The following MYSM1 variants were observed in gnomAD, a reference collection of about 807,000 sequenced individuals.
MYSM1 encodes the protein deubiquitinase MYSM1.
MYSM1 carries 51 observed loss-of-function variants against 116.0 expected under a neutral mutation model. The ratio of observed to expected loss-of-function variants is 0.44; its 90% CI spans 0.35 to 0.56. The LOEUF is 0.56. MYSM1 is among the 20% of genes least tolerant of loss of function. The pLI is 0.00. For synonymous variants in MYSM1, 313 were observed against 315.2 expected, an observed-to-expected ratio of 0.99 and a Z score of 0.07; for missense variants, 900 against 974.9, an observed-to-expected ratio of 0.92 and a Z score of 1.02.
In MYSM1 at chr1:58,695,169, T is replaced by A; in HGVS notation, c.107A>T (p.His36Leu). Residue 36 changes from histidine to leucine, a missense_variant, in exon 2 of 20, where the codon CAC becomes CTC. Transcript: ENST00000472487. ...ENTASVLQKDHYLDSSWRTEN... is the reference protein window; with the variant it reads ...ENTASVLQKDLYLDSSWRTEN... ...TGTTCTCCAAGATGAATCAAGATAG[T>A]GATCTTTTTGTAAAACTGATGCTGT... 1 of 1,605,720 alleles carries A rather than the reference T, an allele frequency of 6.2e-7. No homozygotes were observed. The highest frequency in any genetic ancestry group is 1.1e-5 in the South Asian group (1 of 90,886).
rs770452741 is a variant in MYSM1, at chr1:58,682,258, G to A, written c.786C>T (p.Phe262=). Residue 262 remains phenylalanine (F), a synonymous_variant, in exon 8 of 20, where the codon TTC becomes TTT. Transcript: ENST00000472487. ...GAGCTTCCTGGCTGTCAGAAGTAAT[G>A]AATTCTCCTTGATTGGTTTCATGCA... ...SKMHETNQGE[F]ITSDSQEALF... is the part of the protein sequence containing the mutation. 2 of 1,611,766 alleles carry A rather than the reference G, an allele frequency of 1.2e-6. No individual in the cohort carries two copies. Among genetic ancestry groups the A allele is most frequent in the Non-Finnish European group, 1.7e-6 (2 of 1,178,256 alleles).
chr1:58,686,587 CAATTTCTTAAACTCA>C (rs1644830776), intron 6 of MYSM1, among the ~76,000 whole-genome samples: 1 of 152,156 alleles, frequency 6.6e-6, no homozygotes, highest in Admixed American at 6.5e-5. Context: ...GACATATGGA[CAATTTCTTAAACTCA>C]AAGTGCTTCT....
intron 10 of MYSM1, among the ~76,000 whole-genome samples, chr1:58,675,074 AG>A (rs1644629510): frequency 1.3e-5 from 2 of 151,960 alleles, no homozygotes; most frequent in African/African-American, 4.8e-5. Context: ...ACTGACTCCA[AG>A]AATAAAAAAA....
intron 6 of MYSM1, among the ~76,000 whole-genome samples, chr1:58,687,594 A>T (rs2100664966): frequency 6.6e-6 from 1 of 152,326 alleles, no homozygotes. Context: ...ACAGGGGTTC[A>T]GGCCATGAGA....
intron 12 of MYSM1, among the ~76,000 whole-genome samples, 194 bp from the exon 13 acceptor site, chr1:58,669,232 C>G (rs1168738867): frequency 6.6e-6 from 1 of 151,536 alleles, no homozygotes; most frequent in African/African-American, 2.4e-5. Flanking sequence ...AAAAAAAACC[C>G]AGGAACTTTG....
At position 58,677,049 on chromosome 1, in the gene MYSM1, A is replaced by T. The variant is rs756125704; in HGVS notation, c.1267T>A (p.Cys423Ser). 1.9e-6 allele frequency: 3 copies of T among 1,601,920 alleles called. No individual in the cohort carries two copies. The highest frequency in any genetic ancestry group is 2.6e-6 in the Non-Finnish European group (3 of 1,174,670). ...RNYILDQWEI[C>S]KPKYLNKTSV... ...GTCTTATTTAAGTATTTTGGTTTGC[A>T]TATCTCCCTAATTAAGAGACAGAAG... The change falls in exon 9 of 20, where the codon TGC becomes AGC. Residue 423 changes from cysteine (C) to serine (S), a missense_variant. By Grantham distance (112) the Cys-to-Ser change is moderately radical. This residue lies in a region of MYSM1 where 622 missense variants were observed against 623.7 expected (regional missense o/e 1.00). Coordinates refer to ENST00000472487, the MANE Select transcript of MYSM1 (RefSeq NM_001085487.3).
chr1:58,695,156 T>C lies in MYSM1; in HGVS notation c.120A>G (p.Ser40=). The change falls in exon 2 of 20, where the codon TCA becomes TCG. Residue 40 remains serine (S), a synonymous_variant. Transcript: ENST00000472487. ...TAAGGCCATTCTCTGTTCTCCAAGA[T>C]GAATCAAGATAGTGATCTTTTTGTA... ...SVLQKDHYLD[S]SWRTENGLIP... is the part of the protein sequence containing the mutation. 3 of 1,605,862 alleles carry C rather than the reference T, an allele frequency of 1.9e-6. No homozygotes were observed. Among genetic ancestry groups the C allele is most frequent in the East Asian group, 2.2e-5 (1 of 44,724 alleles).
chr1:58,682,433 C>G lies in MYSM1; in HGVS notation c.611G>C (p.Arg204Pro), dbSNP rs958860111. Residue 204 changes from arginine to proline, a missense_variant, in exon 8 of 20, where the codon CGT becomes CCT. Physicochemically the swap from Arg to Pro is moderately radical, Grantham distance 103. Coordinates refer to ENST00000472487, the MANE Select transcript of MYSM1 (RefSeq NM_001085487.3). The stretch of plus-strand genomic sequence containing the variant: ...TACAGCATTCAAGTTGGGATCAGCA[C>G]GTCCCCTTAAACATGATGGTGTCCA... Reference protein sequence around the residue: ...KAWTPSCLRGRADPNLNAVKI... With the variant: ...KAWTPSCLRGPADPNLNAVKI... The G allele has an allele frequency of 1.2e-6, 2 of 1,614,034 alleles. No homozygotes were observed. Among genetic ancestry groups the G allele is most frequent in the African/African-American group, 1.3e-5 (1 of 74,900 alleles).
intron 6 of MYSM1, among the ~76,000 whole-genome samples, chr1:58,686,595 TAAACTC>T (rs1315190396): frequency 2.0e-5 from 3 of 152,228 alleles, no homozygotes; most frequent in Non-Finnish European, 4.4e-5. Context: ...GACAATTTCT[TAAACTC>T]AAAGTGCTTC....
At chr1:58,664,809 T>G (rs1044359919) in intron 17 of MYSM1, among the ~76,000 whole-genome samples, 7 of 152,250 alleles carry the variant, frequency 4.6e-5, no homozygotes, top group African/African-American at 1.7e-4. Flanking sequence ...GTAGTGGCAG[T>G]GTCCAGGGGA....
rs748485075 is a variant in MYSM1 at position 58,657,604 on chromosome 1, A to G, written c.*2393T>C. ...AGAGAAAGAAGTAACCAAGTTTAAC[A>G]TACTAAAATTATACTGTCAAAAAAA... On this transcript the variant is annotated 3_prime_UTR_variant, in exon 20 of 20. Transcript: ENST00000472487. The G allele has an allele frequency of 6.6e-6, 1 of 152,220 alleles. No homozygotes were observed. The highest frequency in any genetic ancestry group is 1.5e-5 in the Non-Finnish European group (1 of 68,040). 9.4% of individuals were successfully genotyped at this position (152,220 alleles called of 1,614,324 possible). A position where few individuals can be genotyped will look rare whatever the true frequency, so the allele number is the denominator to read the frequency against.
intron 2 of MYSM1, 32 bp downstream of exon 2, chr1:58,695,097 T>TA (rs1644955659): frequency 2.9e-6 from 4 of 1,376,528 alleles, no homozygotes; most frequent in Admixed American, 1.7e-5. Context: ...AATAACAGCT[T>TA]AATGCACCTG....
At chr1:58,691,178 G>A (rs898587969) in intron 3 of MYSM1, among the ~76,000 whole-genome samples, 2 of 149,112 alleles carry the variant, frequency 1.3e-5, no homozygotes, top group African/African-American at 4.9e-5. Flanking sequence ...TACTCAGAAG[G>A]CTGAGGCAGG....
chr1:58,699,022 G>A (rs1318479808), intron 1 of MYSM1, among the ~76,000 whole-genome samples: 1 of 152,176 alleles, frequency 6.6e-6, no homozygotes, highest in Non-Finnish European at 1.5e-5. Context: ...ATTTCATATG[G>A]TTCAAGCTAA....
rs1569677963 is a variant in MYSM1, at chr1:58,657,388, G to C, written c.*2609C>G. On this transcript the variant is annotated 3_prime_UTR_variant, in exon 20 of 20. Coordinates refer to ENST00000472487, the MANE Select transcript of MYSM1 (RefSeq NM_001085487.3). ...AAGGCAGGTGTTCCTTTGAGACTCT[G>C]CCTCCTGAACTTCCTGTATCATAGG... 6.6e-6 allele frequency: 1 copy of C among 152,116 alleles called. No individual in the cohort carries two copies. Among genetic ancestry groups the C allele is most frequent in the East Asian group, 1.9e-4 (1 of 5,200 alleles). 9.4% of individuals were successfully genotyped at this position (152,116 alleles called of 1,614,324 possible).
chr1:58,686,191 G>A (rs1158885401), intron 6 of MYSM1, among the ~76,000 whole-genome samples: 3 of 151,780 alleles, frequency 2.0e-5, no homozygotes, highest in Non-Finnish European at 4.4e-5. Context: ...GGCTGTGCAC[G>A]TCATAACACT....
chr1:58,690,291 T>A, intron 4 of MYSM1, 42 bp from the exon 5 acceptor site: 1 of 1,581,468 alleles, frequency 6.3e-7, no homozygotes, highest in Non-Finnish European at 8.6e-7. Flanking sequence ...CGTGTGAGGT[T>A]TCTAAAACTA....
At chr1:58,687,713 C>T (rs1295506793) in intron 6 of MYSM1, among the ~76,000 whole-genome samples, 2 of 152,152 alleles carry the variant, frequency 1.3e-5, no homozygotes, top group Non-Finnish European at 2.9e-5. Context: ...AACACCACAA[C>T]GACATCCCGC....
At chr1:58,664,844 T>C (rs188188495) in intron 17 of MYSM1, among the ~76,000 whole-genome samples, 2 of 152,314 alleles carry the variant, frequency 1.3e-5, no homozygotes, top group African/African-American at 4.8e-5. Context: ...GTGGTAGTAA[T>C]GACAGAATAA....
Sources: allele counts gnomAD v4.1 joint callset (sites outside exome capture counted in the v4.1 genomes callset), GRCh38; gene constraint gnomAD v4.1.1; regional missense constraint gnomAD v4.1.1; transcripts MANE v1.5; gene names NCBI Gene and HGNC (gene_info 2026-07-23, HGNC 2026-07-21).